Variants in MARCHF1 observed in about 807,000 individuals in gnomAD.
MARCHF1 encodes membrane associated ring-CH-type finger 1.
In MARCHF1, 40 loss-of-function variants were observed where a neutral mutation model predicts 54.2. The ratio of observed to expected loss-of-function variants is 0.74; its 90% CI spans 0.57 to 0.96. The LOEUF is 0.96. MARCHF1 is among the 40% of genes least tolerant of loss of function. MARCHF1 has a pLI of 0.00. For missense variants in MARCHF1, 586 were observed against 656.5 expected (o/e 0.89, Z 1.17); for synonymous variants, 236 against 236.3 (o/e 1.00, Z 0.01).
intron 1 of MARCHF1, among the ~76,000 whole-genome samples, chr4:164,313,183 A>C (rs1454373553): frequency 3.5e-5 from 1 of 28,262 alleles, no homozygotes; most frequent in Non-Finnish European, 8.7e-5. Context: ...CTAAAAATAC[A>C]AAAAAAAAAA....
intron 4 of MARCHF1, among the ~76,000 whole-genome samples, chr4:163,750,277 C>T (rs1403515366): frequency 2.6e-5 from 4 of 151,768 alleles, no homozygotes; most frequent in African/African-American, 7.3e-5. Flanking sequence ...TTTGGGAGGC[C>T]GAGGCGGGCG....
intron 2 of MARCHF1, among the ~76,000 whole-genome samples, chr4:164,024,599 T>G (rs1001810032): frequency 2.6e-5 from 4 of 152,166 alleles, no homozygotes; most frequent in Admixed American, 6.5e-5. Flanking sequence ...GTGCTAAACA[T>G]AGACATGAAA....
chr4:164,108,342 G>A (rs1275828364), intron 2 of MARCHF1, among the ~76,000 whole-genome samples: 2 of 151,808 alleles, frequency 1.3e-5, no homozygotes, highest in African/African-American at 4.8e-5. Context: ...TTTTTACTAA[G>A]TTTTACCTGT....
intron 4 of MARCHF1, among the ~76,000 whole-genome samples, chr4:163,839,181 C>A (rs958461517): frequency 6.6e-6 from 1 of 151,874 alleles, no homozygotes; most frequent in Non-Finnish European, 1.5e-5. Context: ...TCACTTCATA[C>A]CAATTAGCAT....
At chr4:164,067,954 A>G (rs1319985295) in intron 2 of MARCHF1, among the ~76,000 whole-genome samples, 2 of 152,198 alleles carry the variant, frequency 1.3e-5, no homozygotes, top group Non-Finnish European at 1.5e-5. Context: ...TGAGCAGCCT[A>G]AAAACATATG....
chr4:164,163,041 C>T (rs764705412), intron 1 of MARCHF1, among the ~76,000 whole-genome samples: 1 of 151,930 alleles, frequency 6.6e-6, no homozygotes, highest in Non-Finnish European at 1.5e-5. Flanking sequence ...AAATATCATA[C>T]ATGAAGAAGA....
chr4:163,628,936 G>C (rs1025269410), intron 5 of MARCHF1, among the ~76,000 whole-genome samples: 4 of 152,138 alleles, frequency 2.6e-5, no homozygotes, highest in African/African-American at 9.7e-5. Context: ...CCATGCTCAT[G>C]GGTAGGAAGA....
chr4:164,030,044 T>G (rs185432835), intron 2 of MARCHF1, among the ~76,000 whole-genome samples: 2 of 152,200 alleles, frequency 1.3e-5, no homozygotes, highest in African/African-American at 4.8e-5. Context: ...AGAAAACCAA[T>G]TAGCGGACAG....
chr4:163,845,659 T>C (rs190099238), intron 4 of MARCHF1, among the ~76,000 whole-genome samples: 2 of 152,250 alleles, frequency 1.3e-5, no homozygotes, highest in East Asian at 3.9e-4. Context: ...ACAACTTCAT[T>C]TATATCTAAG....
intron 3 of MARCHF1, among the ~76,000 whole-genome samples, chr4:163,872,815 C>T (rs1385986275): frequency 6.6e-6 from 1 of 151,792 alleles, no homozygotes; most frequent in African/African-American, 2.4e-5. Flanking sequence ...GAGGCAGAGG[C>T]GGGCGGATCA....
chr4:163,659,505 T>G (rs28628262), intron 5 of MARCHF1, among the ~76,000 whole-genome samples: 2,841 of 152,156 alleles, frequency 0.019, 88 homozygotes, highest in African/African-American at 0.063. Context: ...AAAGACTTCA[T>G]GACCAAAACA....
intron 7 of MARCHF1, among the ~76,000 whole-genome samples, chr4:163,601,331 A>G (rs1175387407): frequency 2.0e-5 from 3 of 152,114 alleles, no homozygotes; most frequent in Non-Finnish European, 4.4e-5. Context: ...CATATAGGGA[A>G]TCTAAATTTA....
intron 5 of MARCHF1, among the ~76,000 whole-genome samples, chr4:163,671,416 C>T (rs1034696054): frequency 6.6e-6 from 1 of 152,142 alleles, no homozygotes; most frequent in African/African-American, 2.4e-5. Context: ...ATAATTTGAA[C>T]AAGGGATCTG....
intron 1 of MARCHF1, among the ~76,000 whole-genome samples, chr4:164,351,035 G>A (rs1197303280): frequency 2.0e-5 from 3 of 152,036 alleles, no homozygotes; most frequent in Admixed American, 6.5e-5. Flanking sequence ...ACTCCCACCC[G>A]AATACTGCGC....
At chr4:164,145,385 A>T (rs78995827) in intron 1 of MARCHF1, among the ~76,000 whole-genome samples, 6,930 of 152,008 alleles carry the variant, frequency 0.046, 204 homozygotes, top group Middle Eastern at 0.15. Context: ...AGAATTTTAG[A>T]CCAATATCCT....
rs1553961579 is a variant in MARCHF1, at chr4:163,894,658, T to TATAC, written c.-38-40490_-38-40489insGTAT. Among the ~76,000 whole-genome samples, 16 of 14,970 alleles carry TATAC rather than the reference T, an allele frequency of 1.1e-3. 2 individuals are homozygous for TATAC. Among genetic ancestry groups the TATAC allele is most frequent in the East Asian group, 9.1e-3 (3 of 328 alleles). 9.8% of individuals were successfully genotyped at this position (14,970 alleles called of 152,430 possible). A position where few individuals can be genotyped will look rare whatever the true frequency, so the allele number is the denominator to read the frequency against. ...TATATATATGCATGTGATGCATATA[T>TATAC]ATGCATGTGATGCATATATATGCAT... On this transcript the variant is annotated intron_variant, in intron 3 of 9. Coordinates refer to ENST00000514618, the MANE Select transcript of MARCHF1 (RefSeq NM_001394959.1).
chr4:164,139,275 G>A (rs2110850080), intron 1 of MARCHF1, among the ~76,000 whole-genome samples: 1 of 152,258 alleles, frequency 6.6e-6, no homozygotes. Flanking sequence ...CCAGTAAAGT[G>A]GCTTCACAAA....
chr4:164,043,414 G>A (rs56258178), intron 2 of MARCHF1, among the ~76,000 whole-genome samples: 38,332 of 152,030 alleles, frequency 0.25, 6,465 homozygotes, highest in East Asian at 0.48. Flanking sequence ...AATGGCCCAA[G>A]CTGTACCTTT....
At chr4:163,636,744 A>G (rs531150366) in intron 5 of MARCHF1, among the ~76,000 whole-genome samples, 1,650 of 152,156 alleles carry the variant, frequency 0.011, 29 homozygotes, top group African/African-American at 0.037. Flanking sequence ...GGAAAAAACT[A>G]CTTTAAAGTT....
Sources: allele counts gnomAD v4.1 joint callset (sites outside exome capture counted in the v4.1 genomes callset), GRCh38; gene constraint gnomAD v4.1.1; transcripts MANE v1.5; gene names NCBI Gene and HGNC (gene_info 2026-07-23, HGNC 2026-07-21).